The following GPC6 variants were observed in gnomAD, a reference collection of about 807,000 sequenced individuals.
GPC6 encodes glypican-6.
A neutral mutation model predicts 55.2 loss-of-function variants in GPC6; 14 were observed. The ratio of observed to expected loss-of-function variants is 0.25; its 90% CI spans 0.17 to 0.40. GPC6 has a LOEUF of 0.40. Ranked by LOEUF, GPC6 falls within the 10% of genes least tolerant of loss-of-function variation. The pLI, the probability that GPC6 is intolerant of heterozygous loss-of-function variation, is 1.00. For synonymous variants in GPC6, 278 were observed against 259.6 expected (o/e 1.07, Z -0.68); for missense variants, 641 against 708.5 (o/e 0.90, Z 1.08).
At chr13:94,084,265 G>A (rs1594723082) in intron 4 of GPC6, among the ~76,000 whole-genome samples, 1 of 152,202 alleles carries the variant, frequency 6.6e-6, no homozygotes, top group East Asian at 1.9e-4. Flanking sequence ...TGCATCCAAG[G>A]CCAAAAACTG....
At chr13:94,065,140 C>G (rs904510065) in intron 4 of GPC6, among the ~76,000 whole-genome samples, 1 of 152,068 alleles carries the variant, frequency 6.6e-6, no homozygotes, top group Non-Finnish European at 1.5e-5. Context: ...AATCCTCACA[C>G]GGCTTTGTAG....
chr13:93,219,159 T>C, the GPC6 span, among the ~76,000 whole-genome samples: 1 of 151,650 alleles, frequency 6.6e-6, no homozygotes, highest in Non-Finnish European at 1.5e-5. Context: ...AGTGGTATGA[T>C]CTCAGCTCAC....
chr13:94,127,092 T>C (rs931450975), intron 4 of GPC6, among the ~76,000 whole-genome samples: 1 of 152,130 alleles, frequency 6.6e-6, no homozygotes, highest in African/African-American at 2.4e-5. Context: ...ATGTCACAAC[T>C]GAACTGAACA....
intron 2 of GPC6, among the ~76,000 whole-genome samples, chr13:93,640,221 T>A (rs1719719846): frequency 6.6e-6 from 1 of 151,810 alleles, no homozygotes; most frequent in Non-Finnish European, 1.5e-5. Context: ...GGCACAAAAA[T>A]GTTAAAAATC....
chr13:93,542,765 T>C (rs1307576305), intron 1 of GPC6, among the ~76,000 whole-genome samples: 1 of 152,150 alleles, frequency 6.6e-6, no homozygotes, highest in Admixed American at 6.6e-5. Flanking sequence ...GATTCCTAGG[T>C]ATTTTATTCT....
intron 1 of GPC6, among the ~76,000 whole-genome samples, chr13:93,347,154 A>G (rs954866002): frequency 5.9e-5 from 9 of 152,190 alleles, no homozygotes; most frequent in Non-Finnish European, 1.3e-4. Flanking sequence ...ACTCCACACT[A>G]AAGTTTTATA....
At chr13:93,374,799 T>G (rs889654591) in intron 1 of GPC6, among the ~76,000 whole-genome samples, 1 of 152,216 alleles carries the variant, frequency 6.6e-6, no homozygotes, top group African/African-American at 2.4e-5. Flanking sequence ...TAATCATATT[T>G]TTAATGTTGT....
rs12020909 is a variant in GPC6, at chr13:94,271,396, A to G, written c.878-14953A>G. ...CGCGCGCGCGCGCACACACACACACACACACACACACACTCCATCATGCCC... is the reference window on the plus strand; with the variant it reads ...CGCGCGCGCGCGCACACACACACACGCACACACACACACTCCATCATGCCC... On this transcript the variant is annotated intron_variant, in intron 4 of 8. Transcript: ENST00000377047. Among the ~76,000 whole-genome samples the G allele has an allele frequency of 4.4e-4, 57 of 129,700 alleles. No individual in the cohort carries two copies. The East Asian group carries it at 4.9e-3, about 11-fold the overall frequency. The allele number at this position is 129,700 out of a possible 152,430, so 85.1% of individuals were successfully genotyped here.
intron 2 of GPC6, among the ~76,000 whole-genome samples, chr13:93,781,781 A>G (rs893894086): frequency 6.6e-6 from 1 of 152,136 alleles, no homozygotes; most frequent in Admixed American, 6.5e-5. Context: ...TAGGTAAAAT[A>G]CCTATTAGGG....
At chr13:93,583,499 A>G (rs886446907) in intron 2 of GPC6, among the ~76,000 whole-genome samples, 1 of 152,014 alleles carries the variant, frequency 6.6e-6, no homozygotes, top group African/African-American at 2.4e-5. Flanking sequence ...GCTCACCGCA[A>G]CCTCCGCCTC....
At chr13:93,365,721 A>G (rs1368228506) in intron 1 of GPC6, among the ~76,000 whole-genome samples, 2 of 152,032 alleles carry the variant, frequency 1.3e-5, no homozygotes, top group Non-Finnish European at 2.9e-5. Flanking sequence ...TGGGAAAGTG[A>G]TCTCTGAAGG....
chr13:94,074,746 C>T (rs1488713126), intron 4 of GPC6, among the ~76,000 whole-genome samples: 1 of 152,184 alleles, frequency 6.6e-6, no homozygotes, highest in Non-Finnish European at 1.5e-5. Flanking sequence ...AAAATGACTA[C>T]ATTTCTGCCT....
intron 2 of GPC6, among the ~76,000 whole-genome samples, chr13:93,699,873 AT>A (rs762417223): frequency 6.6e-6 from 1 of 151,742 alleles, no homozygotes; most frequent in Non-Finnish European, 1.5e-5. Flanking sequence ...TAATGACATT[AT>A]TTTTTTTCTT....
chr13:94,000,421 G>A (rs1393596758), intron 3 of GPC6, among the ~76,000 whole-genome samples: 1 of 152,184 alleles, frequency 6.6e-6, no homozygotes, highest in Non-Finnish European at 1.5e-5. Context: ...CTTGAGACTA[G>A]CATCACTGCC....
intron 1 of GPC6, among the ~76,000 whole-genome samples, chr13:93,354,929 CA>C (rs1400428316): frequency 6.6e-6 from 1 of 152,030 alleles, no homozygotes; most frequent in Non-Finnish European, 1.5e-5. Flanking sequence ...TTTTATCTAT[CA>C]AAAAATTAAT....
At chr13:93,327,936 C>A (rs1879713531) in intron 1 of GPC6, among the ~76,000 whole-genome samples, 1 of 151,980 alleles carries the variant, frequency 6.6e-6, no homozygotes, top group Admixed American at 6.6e-5. Flanking sequence ...GTAGAACTGA[C>A]TCCTCAGATT....
chr13:93,870,281 T>C (rs572996398), intron 3 of GPC6, among the ~76,000 whole-genome samples: 1 of 152,000 alleles, frequency 6.6e-6, no homozygotes, highest in East Asian at 2.0e-4. Context: ...CTCATAGACA[T>C]GTCTTGCTAC....
intron 4 of GPC6, among the ~76,000 whole-genome samples, chr13:94,081,625 T>C (rs1885097273): frequency 6.6e-6 from 1 of 152,154 alleles, no homozygotes; most frequent in South Asian, 2.1e-4. Flanking sequence ...ACTCCATATG[T>C]AGGCAAAGTT....
At chr13:94,066,723 G>T (rs1171203563) in intron 4 of GPC6, among the ~76,000 whole-genome samples, 2 of 152,148 alleles carry the variant, frequency 1.3e-5, no homozygotes, top group South Asian at 4.1e-4. Context: ...GCTTGGCATT[G>T]TTAACTCTGA....
Sources: allele counts gnomAD v4.1 joint callset (sites outside exome capture counted in the v4.1 genomes callset), GRCh38; gene constraint gnomAD v4.1.1; transcripts MANE v1.5; gene names NCBI Gene and HGNC (gene_info 2026-07-23, HGNC 2026-07-21).